Variants in XRN1 observed in about 807,000 individuals in gnomAD.
The protein encoded by XRN1 is 5'-3' exoribonuclease 1.
In XRN1, 67 loss-of-function variants were observed where a neutral mutation model predicts 222.3. The observed-to-expected ratio is 0.30, with a 90% CI of 0.25 to 0.37. The LOEUF (loss-of-function observed/expected upper bound fraction) is 0.37. Ranked by LOEUF, XRN1 falls within the 10% of genes least tolerant of loss-of-function variation. The pLI, the probability that XRN1 is intolerant of heterozygous loss-of-function variation, is 1.00. For missense variants in XRN1, 1,707 were observed against 2,000.2 expected (o/e 0.85, Z 2.80); for synonymous variants, 643 against 652.4 (o/e 0.99, Z 0.22).
chr3:142,312,185 G>C lies in XRN1; in HGVS notation c.4783-372C>G, dbSNP rs148401717. Among the ~76,000 whole-genome samples the C allele has an allele frequency of 2.3e-3, 344 of 152,200 alleles. 1 individual carries two copies. Among genetic ancestry groups the C allele is most frequent in the South Asian group, 3.9e-3 (19 of 4,812 alleles). On this transcript the variant is annotated intron_variant, in intron 40 of 40. Transcript: ENST00000392981. Reference sequence around the variant, plus strand: ...TCAGGTACTCGGGAGTCTAAGATGGGAGGATCACTTGAGCCCAGGAAGTCA... The same window carrying C: ...TCAGGTACTCGGGAGTCTAAGATGGCAGGATCACTTGAGCCCAGGAAGTCA...
intron 1 of XRN1, among the ~76,000 whole-genome samples, chr3:142,443,688 T>C (rs1482591895): frequency 1.3e-5 from 2 of 152,140 alleles, no homozygotes; most frequent in East Asian, 1.9e-4. Flanking sequence ...AAACTAAAAA[T>C]AGAGCTACCA....
At chr3:142,330,225 T>C (rs778102654) in intron 36 of XRN1, among the ~76,000 whole-genome samples, 2 of 152,208 alleles carry the variant, frequency 1.3e-5, no homozygotes, top group Non-Finnish European at 2.9e-5. Context: ...AGCTGAAATA[T>C]AATTCATCCT....
chr3:142,409,085 G>A (rs186868425), intron 15 of XRN1, among the ~76,000 whole-genome samples: 4 of 152,192 alleles, frequency 2.6e-5, no homozygotes, highest in Non-Finnish European at 5.9e-5. Flanking sequence ...ATATACTCTG[G>A]ATACCAGTCT....
intron 2 of XRN1, among the ~76,000 whole-genome samples, chr3:142,431,436 T>C (rs535613451): frequency 6.6e-6 from 1 of 152,112 alleles, no homozygotes; most frequent in East Asian, 1.9e-4. Context: ...ATCCCAGCAC[T>C]TTGGGAGGCC....
At chr3:142,443,433 C>T (rs1312034639) in intron 1 of XRN1, among the ~76,000 whole-genome samples, 1 of 146,928 alleles carries the variant, frequency 6.8e-6, no homozygotes, top group East Asian at 1.9e-4. Flanking sequence ...CAACTTAGCT[C>T]ACACCTGATC....
At chr3:142,431,168 TTTCTC>T (rs1176829118) in intron 2 of XRN1, among the ~76,000 whole-genome samples, 4 of 152,210 alleles carry the variant, frequency 2.6e-5, no homozygotes, top group Admixed American at 6.5e-5. Flanking sequence ...TATTGGAGCT[TTTCTC>T]TACTACAGTA....
intron 33 of XRN1, among the ~76,000 whole-genome samples, chr3:142,337,345 T>C (rs1577244371): frequency 6.6e-6 from 1 of 152,358 alleles, no homozygotes; most frequent in South Asian, 2.1e-4. Flanking sequence ...ATTTACTGTT[T>C]ACTTGCTTAT....
chr3:142,316,903 TA>T (rs1159383283), intron 39 of XRN1, among the ~76,000 whole-genome samples: 10 of 147,540 alleles, frequency 6.8e-5, no homozygotes, highest in East Asian at 5.9e-4. Context: ...CCTTGTTGCT[TA>T]AAAAAAAAAG....
chr3:142,443,629 T>A (rs527700447), intron 1 of XRN1, among the ~76,000 whole-genome samples: 2 of 152,366 alleles, frequency 1.3e-5, no homozygotes, highest in African/African-American at 4.8e-5. Flanking sequence ...TCACTCTATG[T>A]CACTCTATTA....
At chr3:142,421,252 A>G (rs959860047) in intron 9 of XRN1, 99 bp from the exon 10 acceptor site, 32 of 1,192,996 alleles carry the variant, frequency 2.7e-5, no homozygotes, top group Non-Finnish European at 3.3e-5. Flanking sequence ...GGTATAGGAA[A>G]TTGGAGAATG....
chr3:142,442,723 C>T (rs1254775274), intron 1 of XRN1, among the ~76,000 whole-genome samples: 1 of 152,060 alleles, frequency 6.6e-6, no homozygotes, highest in Non-Finnish European at 1.5e-5. Flanking sequence ...ATTTCAATCC[C>T]TGTATCTTTT....
chr3:142,423,727 T>A (rs560014503), intron 5 of XRN1, 85 bp from the exon 6 acceptor site: 346 of 1,019,326 alleles, frequency 3.4e-4, no homozygotes, highest in Non-Finnish European at 4.4e-4. Context: ...AACAATTCTA[T>A]ACAAGGAAGA....
At chr3:142,347,728 G>C (rs2066188524) in intron 32 of XRN1, among the ~76,000 whole-genome samples, 1 of 151,802 alleles carries the variant, frequency 6.6e-6, no homozygotes, top group South Asian at 2.1e-4. Flanking sequence ...CTTCTGAGTA[G>C]CTGGGACTAC....
intron 37 of XRN1, among the ~76,000 whole-genome samples, chr3:142,326,465 G>C (rs1396907863): frequency 6.6e-6 from 1 of 152,056 alleles, no homozygotes; most frequent in East Asian, 1.9e-4. Flanking sequence ...ATTGTTTGCT[G>C]TCAGTATATA....
chr3:142,403,670 T>A lies in XRN1; in HGVS notation c.2103+4A>T. On this transcript the variant is annotated splice_donor_region_variant and intron_variant, in intron 18 of 40. Transcript: ENST00000392981. ...AATAAATGAATGATAAATAAAATACTTACAAGTTCATCTGATTCTGCATCC... is the reference window on the plus strand; with the variant it reads ...AATAAATGAATGATAAATAAAATACATACAAGTTCATCTGATTCTGCATCC... 6.2e-7 allele frequency: 1 copy of A among 1,610,816 alleles called. No homozygotes were observed. The highest frequency in any genetic ancestry group is 8.5e-7 in the Non-Finnish European group (1 of 1,177,602).
Position 142,347,278 on chromosome 3 carries a change from T to C in XRN1, c.3833A>G (p.Asn1278Ser), listed in dbSNP as rs72990430. The C allele has an allele frequency of 3.6e-4, 575 of 1,609,004 alleles. 2 individuals are homozygous for C. In the African/African-American group the frequency reaches 6.9e-3, roughly 19 times the overall value. Residue 1278 changes from asparagine (N) to serine (S), a missense_variant, in exon 33 of 41, where the codon AAC (asparagine) becomes AGC (serine). By Grantham distance (46) the Asn-to-Ser change is conservative. Transcript: ENST00000392981. Reference sequence around the variant, plus strand: ...TTTTCTTTGCTGATATTTAACACTGTTGTCATTAAAGCCAGATTTATGATG... The same window carrying C: ...TTTTCTTTGCTGATATTTAACACTGCTGTCATTAAAGCCAGATTTATGATG... ...NQHHKSGFND[N>S]SVKYQQRKHD...
intron 39 of XRN1, among the ~76,000 whole-genome samples, chr3:142,314,219 G>C (rs1018086256): frequency 1.3e-5 from 2 of 152,042 alleles, no homozygotes; most frequent in African/African-American, 4.8e-5. Context: ...AAATATCTTG[G>C]CATTTATGTA....
chr3:142,375,770 G>A (rs1258729856), intron 25 of XRN1, 28 bp downstream of exon 25: 4 of 1,566,184 alleles, frequency 2.6e-6, no homozygotes, highest in Middle Eastern at 1.7e-4. Flanking sequence ...ATTTTGGAAT[G>A]ACTACTAGTA....
chr3:142,432,752 G>C lies in XRN1; in HGVS notation c.217C>G (p.Arg73Gly), dbSNP rs775148010. 3.1e-6 allele frequency: 5 copies of C among 1,613,584 alleles called. No homozygotes were observed. The highest frequency in any genetic ancestry group is 4.2e-6 in the Non-Finnish European group (5 of 1,179,872). ...DIFHYLEVLFRIIKPRKVFFM... is the reference protein window; with the variant it reads ...DIFHYLEVLFGIIKPRKVFFM... Reference sequence around the variant, plus strand: ...AACACTTTCCTGGGTTTAATAATGCGAAACAACACCTCCAGGTAGTGAAAA... The same window carrying C: ...AACACTTTCCTGGGTTTAATAATGCCAAACAACACCTCCAGGTAGTGAAAA... Residue 73 changes from arginine (R) to glycine (G), a missense_variant, in exon 2 of 41, where the codon CGC becomes GGC. This residue lies in a region of XRN1 where 1,234 missense variants were observed against 1,518.2 expected (regional missense o/e 0.81). Transcript: ENST00000392981.
Sources: gnomAD v4.1 joint callset for allele counts (sites outside exome capture counted in the v4.1 genomes callset) on GRCh38, gnomAD v4.1.1 for gene constraint, gnomAD v4.1.1 regional missense constraint, MANE v1.5 for transcripts, NCBI Gene and HGNC (gene_info 2026-07-23, HGNC 2026-07-21) for gene names.